IL1RAPL2: variants seen among roughly 807,000 people sequenced by gnomAD.
IL1RAPL2 encodes the protein X-linked interleukin-1 receptor accessory protein-like 2.
IL1RAPL2 carries 3 observed loss-of-function variants against 44.1 expected under a neutral mutation model. The ratio of observed to expected loss-of-function variants is 0.07; its 90% CI spans 0.03 to 0.18. The LOEUF (loss-of-function observed/expected upper bound fraction) is 0.18, where lower values mean the gene tolerates loss of function less well. Ranked by LOEUF, IL1RAPL2 falls within the 10% of genes least tolerant of loss-of-function variation. The pLI, the probability that IL1RAPL2 is intolerant of heterozygous loss-of-function variation, is 1.00. For missense variants in IL1RAPL2, 391 were observed against 496.4 expected, an observed-to-expected ratio of 0.79 and a Z score of 2.02; for synonymous variants, 181 against 178.8, an observed-to-expected ratio of 1.01 and a Z score of -0.10.
intron 1 of IL1RAPL2, among the ~76,000 whole-genome samples, chrX:104,631,822 C>T (rs1929656742): frequency 1.8e-5 from 2 of 110,331 alleles, no homozygotes; most frequent in South Asian, 3.9e-4. Context: ...GTTTCTTTTG[C>T]TGTGCAGAAG....
chrX:104,761,908 TCTCCTTCTCCTTCTC>T (rs1427702975), intron 2 of IL1RAPL2, among the ~76,000 whole-genome samples: 7 of 50,128 alleles, frequency 1.4e-4, no homozygotes, highest in East Asian at 4.2e-4. Context: ...TCCTTCTCCT[TCTCCTTCTCCTTCTC>T]CTTCTTCTTC....
chrX:104,572,888 C>T (rs1404087172), intron 1 of IL1RAPL2, among the ~76,000 whole-genome samples: 1 of 112,435 alleles, frequency 8.9e-6, no homozygotes, highest in Non-Finnish European at 1.9e-5. Flanking sequence ...AGGTGTGAAC[C>T]GCTGTGCTCA....
At chrX:105,235,489 A>G (rs1370846169) in intron 4 of IL1RAPL2, among the ~76,000 whole-genome samples, 1 of 111,305 alleles carries the variant, frequency 9.0e-6, no homozygotes, top group Non-Finnish European at 1.9e-5. Context: ...GGGAAGCTTA[A>G]TCCCTAACTC....
chrX:105,745,311 C>T (rs2038531732), intron 8 of IL1RAPL2, among the ~76,000 whole-genome samples: 1 of 111,981 alleles, frequency 8.9e-6, no homozygotes, highest in African/African-American at 3.2e-5. Flanking sequence ...CTCTTCTACC[C>T]TCTATCCATT....
At chrX:105,156,134 G>A (rs2033266936) in intron 2 of IL1RAPL2, among the ~76,000 whole-genome samples, 1 of 111,673 alleles carries the variant, frequency 9.0e-6, no homozygotes, top group African/African-American at 3.3e-5. Context: ...GAGATCAGGA[G>A]AGTTTTGAGG....
intron 2 of IL1RAPL2, among the ~76,000 whole-genome samples, chrX:105,120,847 G>A (rs1379286130): frequency 1.8e-5 from 2 of 111,828 alleles, no homozygotes; most frequent in African/African-American, 3.2e-5. Context: ...TAGCTCTCAC[G>A]GATTTGACTT....
intron 4 of IL1RAPL2, among the ~76,000 whole-genome samples, chrX:105,247,926 A>AT (rs199821970): frequency 0.02 from 2,176 of 108,551 alleles, 65 homozygotes; most frequent in African/African-American, 0.069. Flanking sequence ...CCCTTCTCTA[A>AT]TTTTTTTTTA....
chrX:105,475,441 A>G (rs1360278331), intron 5 of IL1RAPL2, among the ~76,000 whole-genome samples: 1 of 111,116 alleles, frequency 9.0e-6, no homozygotes, highest in Non-Finnish European at 1.9e-5. Context: ...ATCTTTAAGC[A>G]AGGTAAAAAT....
chrX:104,605,164 TCACTCAAAAC>T (rs1410988065), intron 1 of IL1RAPL2, among the ~76,000 whole-genome samples: 1 of 111,765 alleles, frequency 8.9e-6, no homozygotes, highest in Non-Finnish European at 1.9e-5. Flanking sequence ...ATTAAGAAAC[TCACTCAAAAC>T]CACACAACTA....
chrX:104,978,602 T>C (rs913537435), intron 2 of IL1RAPL2, among the ~76,000 whole-genome samples: 2 of 111,598 alleles, frequency 1.8e-5, no homozygotes, highest in Admixed American at 9.6e-5. Context: ...AAAGAAGATA[T>C]GTAAAAACAA....
chrX:104,648,013 T>G, intron 1 of IL1RAPL2: 2 of 675,860 alleles, frequency 3.0e-6, no homozygotes, highest in Non-Finnish European at 4.6e-6. Context: ...TTTCTTCTGC[T>G]GGACCCTCTC....
intron 2 of IL1RAPL2, among the ~76,000 whole-genome samples, chrX:104,830,251 G>C (rs908154866): frequency 9.0e-6 from 1 of 111,202 alleles, no homozygotes; most frequent in African/African-American, 3.3e-5. Flanking sequence ...CTAATTCATG[G>C]CTACTGAATC....
At chrX:105,219,093 A>G in intron 3 of IL1RAPL2, 1 of 1,210,980 alleles carries the variant, frequency 8.3e-7, no homozygotes, top group Admixed American at 2.2e-5. Flanking sequence ...GTCTTTGCTG[A>G]TGAGGTTCGG....
chrX:104,957,276 G>C (rs1032537051), intron 2 of IL1RAPL2, among the ~76,000 whole-genome samples: 30 of 111,396 alleles, frequency 2.7e-4, no homozygotes, highest in African/African-American at 8.2e-4. Context: ...GAAATCCTCA[G>C]GCCAGGTGTT....
At chrX:105,272,057 T>A (rs2034450532) in intron 5 of IL1RAPL2, among the ~76,000 whole-genome samples, 1 of 100,804 alleles carries the variant, frequency 9.9e-6, no homozygotes, top group African/African-American at 3.7e-5. Flanking sequence ...CCGCATATTC[T>A]CACTCATAGG....
chrX:105,099,058 A>G (rs1317973193), intron 2 of IL1RAPL2, among the ~76,000 whole-genome samples: 1 of 112,426 alleles, frequency 8.9e-6, no homozygotes, highest in Non-Finnish European at 1.9e-5. Flanking sequence ...CAAATACTCT[A>G]TGTCAAGCAT....
chrX:105,029,714 G>A (rs746438267), intron 2 of IL1RAPL2, among the ~76,000 whole-genome samples: 3 of 110,372 alleles, frequency 2.7e-5, no homozygotes, highest in South Asian at 3.9e-4. Context: ...ATAAACATAC[G>A]TGTGCATGTA....
At chrX:105,693,402 G>C (rs1335838103) in intron 6 of IL1RAPL2, among the ~76,000 whole-genome samples, 4 of 111,111 alleles carry the variant, frequency 3.6e-5, no homozygotes, top group Non-Finnish European at 7.5e-5. Flanking sequence ...TAGTTCACAA[G>C]AGTGCTGGTT....
chrX:105,168,896 G>T (rs1284164275), intron 2 of IL1RAPL2, among the ~76,000 whole-genome samples: 2 of 110,997 alleles, frequency 1.8e-5, no homozygotes, highest in Non-Finnish European at 3.8e-5. Context: ...TGACCAAATA[G>T]CTGGATACCC....
Sources: gnomAD v4.1 joint callset for allele counts (sites outside exome capture counted in the v4.1 genomes callset) on GRCh38, gnomAD v4.1.1 for gene constraint, MANE v1.5 for transcripts, NCBI Gene and HGNC (gene_info 2026-07-23, HGNC 2026-07-21) for gene names.